The following VPS13A variants were observed in gnomAD, a reference collection of about 807,000 sequenced individuals.
VPS13A encodes the protein intermembrane lipid transfer protein VPS13A.
In VPS13A, 264 loss-of-function variants were observed where a neutral mutation model predicts 390.9. That is an observed-to-expected ratio of 0.68 (90% confidence interval 0.61 to 0.75). The LOEUF is 0.75. VPS13A is among the 30% of genes least tolerant of loss of function. VPS13A has a pLI of 0.00. For missense variants in VPS13A, 3,409 were observed against 3,733.9 expected, an observed-to-expected ratio of 0.91 and a Z score of 2.27; for synonymous variants, 1,231 against 1,227.1, an observed-to-expected ratio of 1.00 and a Z score of -0.07.
intron 3 of VPS13A, among the ~76,000 whole-genome samples, chr9:77,203,527 A>G (rs1371522961): frequency 6.6e-6 from 1 of 152,148 alleles, no homozygotes; most frequent in Non-Finnish European, 1.5e-5. Context: ...GACTCAAGGG[A>G]TCCTCCTACC....
At chr9:77,313,199 G>T (rs1324292711) in intron 35 of VPS13A, among the ~76,000 whole-genome samples, 1 of 152,104 alleles carries the variant, frequency 6.6e-6, no homozygotes, top group Non-Finnish European at 1.5e-5. Context: ...CATTTATATG[G>T]AATTTAAAAA....
At chr9:77,352,736 C>A (rs1211741999) in intron 53 of VPS13A, among the ~76,000 whole-genome samples, 1 of 151,946 alleles carries the variant, frequency 6.6e-6, no homozygotes, top group African/African-American at 2.4e-5. Context: ...TAAGTATCCC[C>A]AGATAATTAT....
rs1447144110 is a variant in VPS13A at position 77,265,609 on chromosome 9, T to C, written c.2427+5385T>C. Among the ~76,000 whole-genome samples, 11 of 152,224 alleles carry C rather than the reference T, an allele frequency of 7.2e-5. No homozygotes were observed. The East Asian group carries it at 2.1e-3, about 29-fold the overall frequency. On this transcript the variant is annotated intron_variant, in intron 23 of 71. Transcript: ENST00000360280. ...TAGAGGTGTTTATAGTATTCTCTGATAGTAGTTTGTAGTTCTGTGGAATCA... is the reference window on the plus strand; with the variant it reads ...TAGAGGTGTTTATAGTATTCTCTGACAGTAGTTTGTAGTTCTGTGGAATCA...
At chr9:77,380,420 C>G (rs2131610703) in intron 67 of VPS13A, among the ~76,000 whole-genome samples, 1 of 152,256 alleles carries the variant, frequency 6.6e-6, no homozygotes, top group African/African-American at 2.4e-5. Flanking sequence ...TCAAGTGATT[C>G]TTCTGCCTCA....
intron 19 of VPS13A, among the ~76,000 whole-genome samples, chr9:77,241,716 T>C (rs949720606): frequency 6.6e-6 from 1 of 152,210 alleles, no homozygotes; most frequent in Non-Finnish European, 1.5e-5. Flanking sequence ...TTTATATTTC[T>C]TCTGCCAGGT....
At chr9:77,390,417 A>G (rs867177144) in intron 68 of VPS13A, among the ~76,000 whole-genome samples, 1 of 152,296 alleles carries the variant, frequency 6.6e-6, no homozygotes, top group South Asian at 2.1e-4. Flanking sequence ...CAAATGTTGA[A>G]CATTTAATAG....
intron 6 of VPS13A, among the ~76,000 whole-genome samples, chr9:77,210,031 G>C (rs528461352): frequency 7.9e-5 from 12 of 152,082 alleles, no homozygotes; most frequent in African/African-American, 2.9e-4. Flanking sequence ...TTAATAATTA[G>C]TATTCTAATT....
intron 59 of VPS13A, among the ~76,000 whole-genome samples, chr9:77,363,908 G>A (rs574295797): frequency 6.6e-6 from 1 of 152,276 alleles, no homozygotes; most frequent in South Asian, 2.1e-4. Context: ...CTGGCGGTGG[G>A]AACAGTTGTG....
intron 41 of VPS13A, 98 bp from the exon 42 acceptor site, chr9:77,319,474 T>C (rs1829610411): frequency 3.8e-6 from 3 of 790,008 alleles, no homozygotes; most frequent in Admixed American, 2.0e-5. Flanking sequence ...CTGAATGGCA[T>C]GTAGACTGGT....
chr9:77,274,015 T>G lies in VPS13A; in HGVS notation c.2512+651T>G, dbSNP rs116985204. 8.5e-3 allele frequency among the ~76,000 whole-genome samples: 1,288 copies of G among 152,308 alleles called. 10 individuals are homozygous for G. The highest frequency in any genetic ancestry group is 0.014 in the South Asian group (67 of 4,826). On this transcript the variant is annotated intron_variant, in intron 24 of 71. Coordinates refer to ENST00000360280, the MANE Select transcript of VPS13A (RefSeq NM_033305.3). The stretch of plus-strand genomic sequence containing the variant: ...GTCTTCTGTAGTCATATAAGAAATT[T>G]AAGGCAATAGCAGATATTTGTATAT...
chr9:77,407,621 A>ATCTT lies in VPS13A; in HGVS notation c.9474+16_9474+19dup. ...GAGGATGCCAGGGTAAATATAATAA[A>ATCTT]TCTTTTATTTAAATAGGAGCTGCTC... On this transcript the variant is annotated intron_variant, in intron 71 of 71. Coordinates refer to ENST00000360280, the MANE Select transcript of VPS13A (RefSeq NM_033305.3). 1 of 1,583,548 alleles carries ATCTT rather than the reference A, an allele frequency of 6.3e-7. No homozygotes were observed. Among genetic ancestry groups the ATCTT allele is most frequent in the Non-Finnish European group, 8.7e-7 (1 of 1,153,220 alleles).
intron 3 of VPS13A, among the ~76,000 whole-genome samples, chr9:77,201,846 C>T (rs1003913870): frequency 1.3e-5 from 2 of 152,112 alleles, no homozygotes; most frequent in African/African-American, 2.4e-5. Flanking sequence ...TCAGAAAATA[C>T]TGTGCTTTTT....
intron 32 of VPS13A, among the ~76,000 whole-genome samples, chr9:77,294,333 T>C (rs2131373767): frequency 6.6e-6 from 1 of 152,318 alleles, no homozygotes; most frequent in African/African-American, 2.4e-5. Flanking sequence ...TCGGCTTTTC[T>C]TGTTTCATTT....
At position 77,419,597 on chromosome 9, in the gene VPS13A, A is replaced by G. The variant is rs1835284032; in HGVS notation, c.*3591A>G. Reference sequence around the variant, plus strand: ...AGATGGAATCACTCTTGGTTTCTAAAATATTTTTCTTCTCTGCTGTGTATC... The same window carrying G: ...AGATGGAATCACTCTTGGTTTCTAAGATATTTTTCTTCTCTGCTGTGTATC... On this transcript the variant is annotated 3_prime_UTR_variant, in exon 72 of 72. Transcript: ENST00000360280. 1 of 152,160 alleles carries G rather than the reference A, an allele frequency of 6.6e-6. No homozygotes were observed. The highest frequency in any genetic ancestry group is 2.1e-4 in the South Asian group (1 of 4,824). 9.4% of individuals were successfully genotyped at this position (152,160 alleles called of 1,614,324 possible).
At chr9:77,364,960 G>C (rs563567202) in intron 59 of VPS13A, among the ~76,000 whole-genome samples, 1 of 152,268 alleles carries the variant, frequency 6.6e-6, no homozygotes, top group South Asian at 2.1e-4. Context: ...ACACATAGAA[G>C]TTACTTCCGT....
chr9:77,261,221 T>C (rs1294954417), intron 23 of VPS13A, among the ~76,000 whole-genome samples: 3 of 152,164 alleles, frequency 2.0e-5, no homozygotes, highest in Admixed American at 1.3e-4. Context: ...TTTTTAAAAT[T>C]AAATGAAATC....
chr9:77,334,028 A>T (rs896717619), intron 46 of VPS13A, among the ~76,000 whole-genome samples: 1 of 152,200 alleles, frequency 6.6e-6, no homozygotes, highest in African/African-American at 2.4e-5. Context: ...TGTGGAAAAC[A>T]TAAAAGGGAT....
intron 19 of VPS13A, among the ~76,000 whole-genome samples, chr9:77,238,880 T>G (rs1471409121): frequency 6.6e-6 from 1 of 152,224 alleles, no homozygotes; most frequent in Admixed American, 6.5e-5. Flanking sequence ...AATTAAATAG[T>G]TGACCATAGA....
chr9:77,343,135 G>A (rs772384140), intron 50 of VPS13A, among the ~76,000 whole-genome samples: 36 of 152,128 alleles, frequency 2.4e-4, no homozygotes, highest in Non-Finnish European at 5.0e-4. Flanking sequence ...CTCAAGGAAG[G>A]CCTCTGCCAA....
Sources: gnomAD v4.1 joint callset for allele counts (sites outside exome capture counted in the v4.1 genomes callset) on GRCh38, gnomAD v4.1.1 for gene constraint, MANE v1.5 for transcripts, NCBI Gene and HGNC (gene_info 2026-07-23, HGNC 2026-07-21) for gene names.